TTPA: variants seen among roughly 807,000 people sequenced by gnomAD.
The protein encoded by TTPA is alpha tocopherol transfer protein.
A neutral mutation model predicts 25.9 loss-of-function variants in TTPA; 23 were observed. The ratio of observed to expected loss-of-function variants is 0.89; its 90% CI spans 0.64 to 1.26. TTPA has a LOEUF of 1.26. Among genes scored for constraint, TTPA ranks in the 50% most tolerant of loss-of-function variants. The pLI is 0.00. For missense variants in TTPA, 337 were observed against 353.1 expected (o/e 0.95, Z 0.37); for synonymous variants, 148 against 137.3 (o/e 1.08, Z -0.54).
chr8:63,059,636 G>A lies in TTPA; in HGVS notation c.*1616C>T, dbSNP rs1401914581. ...ATTTTCAAGTTTATAACAAAATTAA[G>A]AAATTATAAAATACTAAGTATAAAA... On this transcript the variant is annotated 3_prime_UTR_variant, in exon 5 of 5. Coordinates refer to ENST00000260116, the MANE Select transcript of TTPA (RefSeq NM_000370.3). The A allele has an allele frequency of 6.6e-6, 1 of 151,982 alleles. No individual in the cohort carries two copies. Among genetic ancestry groups the A allele is most frequent in the Non-Finnish European group, 1.5e-5 (1 of 67,980 alleles). 9.4% of individuals were successfully genotyped at this position (151,982 alleles called of 1,614,324 possible).
intron 1 of TTPA, among the ~76,000 whole-genome samples, chr8:63,081,526 GTCAGTA>G (rs1351820291): frequency 6.6e-6 from 1 of 152,156 alleles, no homozygotes; most frequent in Non-Finnish European, 1.5e-5. Flanking sequence ...CAGACCCACA[GTCAGTA>G]TCATACTGAA....
Position 63,086,028 on chromosome 8 carries a change from C to T in TTPA, c.-7G>A, listed in dbSNP as rs1226463857. 2.1e-6 allele frequency: 3 copies of T among 1,416,940 alleles called. No homozygotes were observed. The highest frequency in any genetic ancestry group is 2.8e-6 in the Non-Finnish European group (3 of 1,086,582). The allele number at this position is 1,416,940 out of a possible 1,614,324, so 87.8% of individuals were successfully genotyped here. On this transcript the variant is annotated 5_prime_UTR_variant, in exon 1 of 5. Transcript: ENST00000260116. ...GGGATCGCGCCTCTGCCATGCCCGC[C>T]GCCGCTGCTGCGGCCGCAGCTACCC... is the stretch of plus-strand genomic sequence containing the variant.
intron 1 of TTPA, among the ~76,000 whole-genome samples, chr8:63,073,416 G>C (rs1805513867): frequency 6.6e-6 from 1 of 152,116 alleles, no homozygotes; most frequent in Admixed American, 6.6e-5. Context: ...CACTCCCCTT[G>C]AATCTAGGCT....
chr8:63,081,957 G>A (rs1312666947), intron 1 of TTPA, among the ~76,000 whole-genome samples: 5 of 152,130 alleles, frequency 3.3e-5, no homozygotes, highest in Admixed American at 1.3e-4. Flanking sequence ...CCTCTTCAAG[G>A]AGAACTACAA....
chr8:63,060,133 A>G lies in TTPA; in HGVS notation c.*1119T>C, dbSNP rs1805280908. On this transcript the variant is annotated 3_prime_UTR_variant, in exon 5 of 5. Transcript: ENST00000260116. ...ATTGACAGTAATTTTTTAAAATGTA[A>G]ACATTTCCTTTCCTTTGTGTAGTTA... 6.6e-6 allele frequency: 1 copy of G among 152,226 alleles called. No individual in the cohort carries two copies. The highest frequency in any genetic ancestry group is 2.4e-5 in the African/African-American group (1 of 41,452). 9.4% of individuals were successfully genotyped at this position (152,226 alleles called of 1,614,324 possible). A position where few individuals can be genotyped will look rare whatever the true frequency, so the allele number is the denominator to read the frequency against.
rs2129795318 is a variant in TTPA, at chr8:63,085,801, T to G, written c.204+17A>C. 6.5e-7 allele frequency: 1 copy of G among 1,532,970 alleles called. No homozygotes were observed. The highest frequency in any genetic ancestry group is 8.7e-7 in the Non-Finnish European group (1 of 1,144,540). The allele number at this position is 1,532,970 out of a possible 1,614,324, so 95.0% of individuals were successfully genotyped here. A position where few individuals can be genotyped will look rare whatever the true frequency, so the allele number is the denominator to read the frequency against. The stretch of plus-strand genomic sequence containing the variant: ...GTGAGGTGCGCACTGCCGAGCGCCC[T>G]GGGCACGCACGCTTACCCGCCAGGC... On this transcript the variant is annotated intron_variant, in intron 1 of 4. Transcript: ENST00000260116.
At chr8:63,069,756 G>C (rs1236308747) in intron 2 of TTPA, among the ~76,000 whole-genome samples, 1 of 149,746 alleles carries the variant, frequency 6.7e-6, no homozygotes, top group Non-Finnish European at 1.5e-5. Context: ...AAAAAAATCT[G>C]TTTCTTAGTT....
chr8:63,080,512 G>T (rs1805643840), intron 1 of TTPA, among the ~76,000 whole-genome samples: 1 of 152,140 alleles, frequency 6.6e-6, no homozygotes, highest in East Asian at 1.9e-4. Context: ...ACGACGTCGG[G>T]AGATCAAGAC....
chr8:63,061,448 G>T, intron 4 of TTPA, 23 bp from the exon 5 acceptor site: 1 of 1,611,546 alleles, frequency 6.2e-7, no homozygotes, highest in South Asian at 1.1e-5. Flanking sequence ...AAACACTTTA[G>T]AAGGAAACCG....
At chr8:63,080,457 C>T (rs1006701389) in intron 1 of TTPA, among the ~76,000 whole-genome samples, 4 of 152,148 alleles carry the variant, frequency 2.6e-5, no homozygotes, top group African/African-American at 4.8e-5. Context: ...CATGGTGGCT[C>T]ACGCCTGTAA....
chr8:63,061,354 A>G lies in TTPA; in HGVS notation c.735T>C (p.Tyr245=), dbSNP rs1400971673. ...QHFPDILPLE[Y]GGEEFSMEDI... is the part of the protein sequence containing the mutation. ...CCTCCATGGAGAATTCTTCACCACCATATTCCAGAGGAAGAATGTCTGGGA... is the reference window on the plus strand; with the variant it reads ...CCTCCATGGAGAATTCTTCACCACCGTATTCCAGAGGAAGAATGTCTGGGA... The change falls in exon 5 of 5, where the codon TAT becomes TAC. Residue 245 remains tyrosine, a synonymous_variant. Coordinates refer to ENST00000260116, the MANE Select transcript of TTPA (RefSeq NM_000370.3). The G allele has an allele frequency of 1.9e-6, 3 of 1,613,962 alleles. No individual in the cohort carries two copies. The highest frequency in any genetic ancestry group is 2.2e-5 in the East Asian group (1 of 44,812).
intron 3 of TTPA, among the ~76,000 whole-genome samples, chr8:63,064,565 A>G (rs1198436429): frequency 6.6e-6 from 1 of 152,190 alleles, no homozygotes; most frequent in Non-Finnish European, 1.5e-5. Flanking sequence ...ATATCTGCAC[A>G]CTTTCACCAG....
At chr8:63,070,119 G>C (rs1805461055) in intron 2 of TTPA, among the ~76,000 whole-genome samples, 1 of 152,148 alleles carries the variant, frequency 6.6e-6, no homozygotes, top group Admixed American at 6.5e-5. Context: ...ATGTAGCAGA[G>C]CTGAGATTCC....
chr8:63,061,789 G>A (rs1039766256), intron 4 of TTPA, among the ~76,000 whole-genome samples: 6 of 152,074 alleles, frequency 3.9e-5, no homozygotes, highest in Admixed American at 2.0e-4. Flanking sequence ...TTCTATACAC[G>A]ATAAAAATGT....
chr8:63,082,246 A>G (rs1480665617), intron 1 of TTPA, among the ~76,000 whole-genome samples: 2 of 152,348 alleles, frequency 1.3e-5, no homozygotes, highest in African/African-American at 2.4e-5. Context: ...AAACTACGCT[A>G]CAAGGCTACA....
chr8:63,068,101 T>C (rs1300104940), intron 2 of TTPA, among the ~76,000 whole-genome samples: 3 of 152,110 alleles, frequency 2.0e-5, no homozygotes, highest in African/African-American at 7.2e-5. Flanking sequence ...TAGCAGCTAG[T>C]TGTGTGGGTC....
downstream of TTPA, among the ~76,000 whole-genome samples, chr8:63,058,754 C>A (rs1805243064): frequency 6.6e-6 from 1 of 151,948 alleles, no homozygotes; most frequent in South Asian, 2.1e-4. Flanking sequence ...AAAATGTTAT[C>A]CTTTATTTGG....
chr8:63,063,402 C>T (rs1217325469), intron 4 of TTPA, among the ~76,000 whole-genome samples: 1 of 152,172 alleles, frequency 6.6e-6, no homozygotes, highest in Admixed American at 6.5e-5. Flanking sequence ...TTTGCTCTAA[C>T]TAGCATGACA....
intron 2 of TTPA, among the ~76,000 whole-genome samples, chr8:63,071,806 C>G (rs1444862990): frequency 1.3e-5 from 2 of 152,138 alleles, no homozygotes; most frequent in African/African-American, 4.8e-5. Flanking sequence ...CAGGCCCTCA[C>G]CAAACACCAA....
Sources: allele counts gnomAD v4.1 joint callset (sites outside exome capture counted in the v4.1 genomes callset), GRCh38; gene constraint gnomAD v4.1.1; transcripts MANE v1.5; gene names NCBI Gene and HGNC (gene_info 2026-07-23, HGNC 2026-07-21).